The following AGBL4 variants were observed in gnomAD, a reference collection of about 807,000 sequenced individuals.
AGBL4 encodes the protein cytosolic carboxypeptidase 6.
In AGBL4, 58 loss-of-function variants were observed where a neutral mutation model predicts 66.4. That is an observed-to-expected ratio of 0.87 (90% CI 0.71 to 1.09). AGBL4 has a LOEUF of 1.09. Among genes scored for constraint, AGBL4 ranks in the 50% least tolerant of loss-of-function variants. The pLI is 0.00. For synonymous variants in AGBL4, 234 were observed against 222.9 expected (o/e 1.05, Z -0.44); for missense variants, 579 against 631.0 (o/e 0.92, Z 0.88).
intron 5 of AGBL4, among the ~76,000 whole-genome samples, chr1:48,876,661 C>T (rs1649263903): frequency 6.6e-6 from 1 of 152,128 alleles, no homozygotes; most frequent in Non-Finnish European, 1.5e-5. Flanking sequence ...TGGTCTACCT[C>T]TTCTCTCTTC....
At chr1:49,784,073 T>C (rs952656339) in intron 2 of AGBL4, among the ~76,000 whole-genome samples, 8 of 152,238 alleles carry the variant, frequency 5.3e-5, no homozygotes, top group African/African-American at 1.4e-4. Context: ...ACTCCTGAGA[T>C]TGATCAATCC....
At chr1:49,788,009 G>A (rs1447118516) in intron 2 of AGBL4, among the ~76,000 whole-genome samples, 2 of 152,056 alleles carry the variant, frequency 1.3e-5, no homozygotes, top group African/African-American at 4.8e-5. Flanking sequence ...CAAGCATGCA[G>A]AACATTCCTA....
At chr1:49,131,894 G>A (rs932704611) in intron 4 of AGBL4, among the ~76,000 whole-genome samples, 2 of 152,024 alleles carry the variant, frequency 1.3e-5, no homozygotes, top group African/African-American at 4.8e-5. Context: ...TCTATTTGGA[G>A]TGCCTATAAT....
chr1:49,828,735 C>T (rs1034178093), intron 2 of AGBL4, among the ~76,000 whole-genome samples: 2 of 152,042 alleles, frequency 1.3e-5, no homozygotes, highest in Admixed American at 1.3e-4. Flanking sequence ...TTTCTGGGTA[C>T]TGTGTAAAGA....
intron 3 of AGBL4, among the ~76,000 whole-genome samples, chr1:49,582,966 C>A (rs1644574289): frequency 6.6e-6 from 1 of 152,174 alleles, no homozygotes; most frequent in South Asian, 2.1e-4. Context: ...TGTGATATGA[C>A]AAGAAATATA....
At chr1:49,170,654 CTATA>C (rs1646722065) in intron 4 of AGBL4, among the ~76,000 whole-genome samples, 1 of 148,632 alleles carries the variant, frequency 6.7e-6, no homozygotes, top group East Asian at 2.0e-4. Context: ...AATATATAAA[CTATA>C]TATGTTTTAA....
chr1:48,722,953 C>T (rs1483655175), intron 6 of AGBL4, among the ~76,000 whole-genome samples: 2 of 152,128 alleles, frequency 1.3e-5, no homozygotes, highest in Non-Finnish European at 2.9e-5. Flanking sequence ...TTGACATAAT[C>T]CTGTGAGATA....
chr1:49,266,589 G>A (rs891659431), intron 3 of AGBL4, among the ~76,000 whole-genome samples: 26 of 146,302 alleles, frequency 1.8e-4, no homozygotes, highest in Non-Finnish European at 3.4e-4. Context: ...TTGCCCTTAA[G>A]TGAGGAAAAT....
chr1:48,709,406 C>T (rs962964360), intron 6 of AGBL4, among the ~76,000 whole-genome samples: 16 of 152,070 alleles, frequency 1.1e-4, no homozygotes, highest in African/African-American at 3.9e-4. Context: ...TGCTACACAC[C>T]TACACACCGA....
At chr1:49,844,416 T>C (rs551489144) in intron 2 of AGBL4, among the ~76,000 whole-genome samples, 1 of 152,312 alleles carries the variant, frequency 6.6e-6, no homozygotes, top group South Asian at 2.1e-4. Flanking sequence ...CCATATTCCT[T>C]GTGCCAACTG....
intron 2 of AGBL4, among the ~76,000 whole-genome samples, chr1:49,802,826 A>T (rs928949626): frequency 6.6e-6 from 1 of 152,138 alleles, no homozygotes; most frequent in East Asian, 1.9e-4. Context: ...AGAGAGCCCC[A>T]TTGCATTGTG....
At chr1:48,579,996 G>A (rs1026254702) in intron 11 of AGBL4, among the ~76,000 whole-genome samples, 1 of 150,562 alleles carries the variant, frequency 6.6e-6, no homozygotes, top group Admixed American at 6.6e-5. Flanking sequence ...TTCTAAAATT[G>A]TAGTTTCGAC....
chr1:48,735,384 TGGAG>T (rs1418202138), intron 6 of AGBL4, among the ~76,000 whole-genome samples: 1 of 148,662 alleles, frequency 6.7e-6, no homozygotes, highest in Non-Finnish European at 1.5e-5. Context: ...AATGGATGGA[TGGAG>T]GGAGGGTGGG....
intron 3 of AGBL4, among the ~76,000 whole-genome samples, chr1:49,580,788 T>C (rs1246719093): frequency 6.6e-6 from 1 of 152,230 alleles, no homozygotes; most frequent in African/African-American, 2.4e-5. Context: ...TGCTGTTTTT[T>C]AGAATTCATT....
chr1:49,946,716 T>G (rs1287951859), intron 1 of AGBL4, among the ~76,000 whole-genome samples: 1 of 151,516 alleles, frequency 6.6e-6, no homozygotes, highest in Non-Finnish European at 1.5e-5. Flanking sequence ...AGAGCAGAAC[T>G]AAATAAAATT....
chr1:49,017,055 A>G (rs1335706078), intron 5 of AGBL4, among the ~76,000 whole-genome samples: 1 of 152,222 alleles, frequency 6.6e-6, no homozygotes, highest in Non-Finnish European at 1.5e-5. Context: ...TGGTGTAGAC[A>G]TAGAAGGACA....
intron 3 of AGBL4, among the ~76,000 whole-genome samples, chr1:49,352,337 T>G (rs1315614261): frequency 6.6e-6 from 1 of 151,668 alleles, no homozygotes; most frequent in Non-Finnish European, 1.5e-5. Flanking sequence ...ATTCTCTTTC[T>G]TAAAATTATT....
intron 2 of AGBL4, chr1:49,845,865 G>T: frequency 1.4e-6 from 2 of 1,420,018 alleles, no homozygotes; most frequent in East Asian, 2.3e-5. Flanking sequence ...CCTTCCTTCT[G>T]GCAGAGCACA....
chr1:48,572,813 G>A (rs1228193877), intron 11 of AGBL4, among the ~76,000 whole-genome samples: 1 of 152,134 alleles, frequency 6.6e-6, no homozygotes, highest in East Asian at 1.9e-4. Context: ...GCCTCTCACA[G>A]CAGCCATGCA....
Sources: allele counts gnomAD v4.1 joint callset (sites outside exome capture counted in the v4.1 genomes callset), GRCh38; gene constraint gnomAD v4.1.1; transcripts MANE v1.5; gene names NCBI Gene and HGNC (gene_info 2026-07-23, HGNC 2026-07-21).